Variants in PRMT7 observed in about 807,000 individuals in gnomAD.
The protein encoded by PRMT7 is protein arginine N-methyltransferase 7.
In PRMT7, 75 loss-of-function variants were observed where a neutral mutation model predicts 85.4. That is an observed-to-expected ratio of 0.88 (90% CI 0.73 to 1.06). PRMT7 has a LOEUF of 1.06. Ranked by LOEUF, PRMT7 falls within the 50% of genes least tolerant of loss-of-function variation. PRMT7 has a pLI of 0.00. For missense variants in PRMT7, 868 were observed against 915.2 expected (o/e 0.95, Z 0.67); for synonymous variants, 397 against 359.5 (o/e 1.10, Z -1.18).
intron 6 of PRMT7, among the ~76,000 whole-genome samples, chr16:68,337,033 G>A (rs1033858462): frequency 6.6e-6 from 1 of 152,174 alleles, no homozygotes; most frequent in Non-Finnish European, 1.5e-5. Flanking sequence ...GATTACAGGC[G>A]TGAGCCACCA....
chr16:68,348,569 C>A, intron 14 of PRMT7, 138 bp downstream of exon 14: 1 of 563,284 alleles, frequency 1.8e-6, no homozygotes, highest in Non-Finnish European at 3.1e-6. Flanking sequence ...TACGAGCTCC[C>A]ACCATCAAGG....
At chr16:68,315,134 GA>G (rs2044541383) in intron 2 of PRMT7, 1 of 150,050 alleles carries the variant, frequency 6.7e-6, no homozygotes, top group African/African-American at 2.4e-5. Flanking sequence ...AAAAGAAAAA[GA>G]ATGCTAATAT....
At chr16:68,342,416 C>T (rs1161495034) in intron 9 of PRMT7, among the ~76,000 whole-genome samples, 2 of 152,160 alleles carry the variant, frequency 1.3e-5, no homozygotes, top group Admixed American at 1.3e-4. Flanking sequence ...CTTTCACTGT[C>T]ATAATTTTCT....
At chr16:68,328,844 A>C (rs920875081) in intron 5 of PRMT7, among the ~76,000 whole-genome samples, 2 of 152,122 alleles carry the variant, frequency 1.3e-5, no homozygotes, top group Non-Finnish European at 2.9e-5. Flanking sequence ...CCTCCTCAGG[A>C]TCCCCGGCAT....
At chr16:68,324,968 G>T in intron 5 of PRMT7, 136 bp downstream of exon 5, 1 of 1,160,898 alleles carries the variant, frequency 8.6e-7, no homozygotes. Context: ...CAGGCTCTGA[G>T]CGTATAGAGA....
At chr16:68,345,221 G>A (rs1193395972) in intron 9 of PRMT7, among the ~76,000 whole-genome samples, 1 of 152,198 alleles carries the variant, frequency 6.6e-6, no homozygotes, top group Non-Finnish European at 1.5e-5. Context: ...AGTGCATTGA[G>A]TCTGACTGTT....
At chr16:68,337,209 A>G (rs527517629) in intron 6 of PRMT7, among the ~76,000 whole-genome samples, 37 of 152,078 alleles carry the variant, frequency 2.4e-4, no homozygotes, top group African/African-American at 7.7e-4. Context: ...AGAGCAGTAC[A>G]GTAAACACTT....
intron 4 of PRMT7, 147 bp downstream of exon 4, chr16:68,321,609 G>A (rs191674422): frequency 1.5e-6 from 1 of 673,898 alleles, no homozygotes; most frequent in African/African-American, 1.8e-5. Context: ...GGGAGACTGG[G>A]TCCTACTTCT....
intron 2 of PRMT7, among the ~76,000 whole-genome samples, chr16:68,314,028 A>G (rs2044341070): frequency 6.6e-6 from 1 of 152,236 alleles, no homozygotes; most frequent in Non-Finnish European, 1.5e-5. Context: ...ATTTAGTTGT[A>G]TGCGTACATG....
chr16:68,347,320 T>C, intron 12 of PRMT7, 26 bp downstream of exon 12: 1 of 1,514,984 alleles, frequency 6.6e-7, no homozygotes, highest in Non-Finnish European at 8.9e-7. Flanking sequence ...CTTGTCAGCC[T>C]CCTGATGTGG....
chr16:68,359,145 GC>G (rs2089066960), downstream of PRMT7: 1 of 152,476 alleles, frequency 6.6e-6, no homozygotes, highest in South Asian at 2.1e-4. Context: ...TGGTGTGGGG[GC>G]CCTGCCCGGG....
intron 9 of PRMT7, among the ~76,000 whole-genome samples, chr16:68,341,912 C>A (rs1159706526): frequency 6.6e-6 from 1 of 152,212 alleles, no homozygotes; most frequent in East Asian, 1.9e-4. Context: ...AATTCAGCCT[C>A]CTCTCATCCT....
At chr16:68,323,210 TTTC>T (rs2082706049) in intron 4 of PRMT7, among the ~76,000 whole-genome samples, 1 of 91,508 alleles carries the variant, frequency 1.1e-5, no homozygotes, top group African/African-American at 6.4e-5. Context: ...TTTTTTCTTT[TTTC>T]TTTCTTTCTT....
chr16:68,315,915 T>C lies in PRMT7; in HGVS notation c.-65T>C. ...TTAATAGATTTCTGACAGTCAGACT[T>C]GTCCACAAGAACTCAACTGGCAAGG... On this transcript the variant is annotated 5_prime_UTR_variant, in exon 3 of 19. Coordinates refer to ENST00000441236, the MANE Select transcript of PRMT7 (RefSeq NM_019023.5). The C allele has an allele frequency of 7.5e-7, 1 of 1,328,616 alleles. No homozygotes were observed. The highest frequency in any genetic ancestry group is 1.1e-6 in the Non-Finnish European group (1 of 925,306). 82.3% of individuals were successfully genotyped at this position (1,328,616 alleles called of 1,614,324 possible). A position where few individuals can be genotyped will look rare whatever the true frequency, so the allele number is the denominator to read the frequency against.
At position 68,321,322 on chromosome 16, in the gene PRMT7, G is replaced by C. The variant is rs544639952; in HGVS notation, c.96-104G>C. The C allele has an allele frequency of 2.6e-5, 22 of 856,190 alleles. No homozygotes were observed. The Admixed American group carries it at 4.6e-4, about 18-fold the overall frequency. 53.0% of individuals were successfully genotyped at this position (856,190 alleles called of 1,614,324 possible). On this transcript the variant is annotated intron_variant, in intron 3 of 18. Transcript: ENST00000441236. The stretch of plus-strand genomic sequence containing the variant: ...GACAACCAAAAAATAGTTTAAAATA[G>C]ATGACACGTTTGTTCTATCTGTTTA...
chr16:68,349,554 T>C (rs1366418457), intron 14 of PRMT7, among the ~76,000 whole-genome samples: 1 of 152,094 alleles, frequency 6.6e-6, no homozygotes, highest in African/African-American at 2.4e-5. Context: ...AGTTGAGTGA[T>C]TTTTTTAAGT....
At chr16:68,347,100 C>A in intron 11 of PRMT7, 111 bp from the exon 12 acceptor site, 2 of 990,374 alleles carry the variant, frequency 2.0e-6, no homozygotes, top group South Asian at 1.4e-5. Context: ...GGGGGATGGT[C>A]TGAGGTCTGG....
At chr16:68,339,258 A>G (rs1351871268) in intron 7 of PRMT7, 64 bp from the exon 8 acceptor site, 12 of 1,598,016 alleles carry the variant, frequency 7.5e-6, no homozygotes, top group Middle Eastern at 1.8e-4. Context: ...CTTTTGATCA[A>G]TGGGAATTAC....
chr16:68,318,083 A>G (rs2082080326), intron 3 of PRMT7, among the ~76,000 whole-genome samples: 1 of 152,176 alleles, frequency 6.6e-6, no homozygotes, highest in Admixed American at 6.5e-5. Flanking sequence ...AAAATAATAT[A>G]TACTTCAATA....
Sources: allele counts gnomAD v4.1 joint callset (sites outside exome capture counted in the v4.1 genomes callset), GRCh38; gene constraint gnomAD v4.1.1; transcripts MANE v1.5; gene names NCBI Gene and HGNC (gene_info 2026-07-23, HGNC 2026-07-21).